The following ARHGEF3 variants were observed in gnomAD, a reference collection of about 807,000 sequenced individuals.
ARHGEF3 encodes the protein 59.8 kDA protein.
A neutral mutation model predicts 63.2 loss-of-function variants in ARHGEF3; 28 were observed. The ratio of observed to expected loss-of-function variants is 0.44; its 90% CI spans 0.33 to 0.61. The LOEUF (loss-of-function observed/expected upper bound fraction) is 0.61, where lower values mean the gene tolerates loss of function less well. ARHGEF3 is among the 20% of genes least tolerant of loss of function. The probability of loss-of-function intolerance (pLI) is 0.03; values close to 1 mark genes in which losing one functional copy is unlikely to be tolerated. For synonymous variants in ARHGEF3, 266 were observed against 254.2 expected (o/e 1.05, Z -0.44); for missense variants, 533 against 659.3 (o/e 0.81, Z 2.10).
chr3:57,048,488 G>A (rs916064451), intron 1 of ARHGEF3, among the ~76,000 whole-genome samples: 6 of 152,158 alleles, frequency 3.9e-5, no homozygotes, highest in South Asian at 2.1e-4. Context: ...ATCGGGTGAA[G>A]GAGGACCCCT....
Position 56,729,640 on chromosome 3 carries a change from AT to A in ARHGEF3, c.1229-19del, listed in dbSNP as rs2032974796. On this transcript the variant is annotated intron_variant, in intron 9 of 9. Transcript: ENST00000296315. ...GTTTTTAACTAGAAAGGAAAAACAC[AT>A]GAAAAACAAAGTCAATGGACAGATC... The A allele has an allele frequency of 1.3e-6, 2 of 1,571,764 alleles. No individual in the cohort carries two copies. Among genetic ancestry groups the A allele is most frequent in the Non-Finnish European group, 1.7e-6 (2 of 1,155,050 alleles).
chr3:56,801,484 A>C (rs572008362), intron 1 of ARHGEF3, among the ~76,000 whole-genome samples: 5 of 152,352 alleles, frequency 3.3e-5, no homozygotes, highest in Admixed American at 6.5e-5. Flanking sequence ...TGCTTGGTCC[A>C]CAGAGAAAAA....
chr3:56,745,383 T>C lies in ARHGEF3; in HGVS notation c.692A>G (p.Asp231Gly). ...AKALLDHKKQ[D>G]HRVQDFLQRC... is the part of the protein sequence containing the mutation. ...CTGTAGGAAATCCTGGACTCGGTGA[T>C]CTTGCTTTTTGTGGTCCAGCAGAGC... is the stretch of plus-strand genomic sequence containing the variant. The change falls in exon 7 of 10, where the codon GAT becomes GGT. Residue 231 changes from aspartate to glycine, a missense_variant. Physicochemically the swap from Asp to Gly is moderately conservative, Grantham distance 94 (BLOSUM62 -1). Coordinates refer to ENST00000296315, the MANE Select transcript of ARHGEF3 (RefSeq NM_019555.3). The C allele has an allele frequency of 6.2e-7, 1 of 1,614,094 alleles. No individual in the cohort carries two copies. The highest frequency in any genetic ancestry group is 8.5e-7 in the Non-Finnish European group (1 of 1,180,016).
At chr3:56,988,187 C>T (rs1366166250) in intron 2 of ARHGEF3, among the ~76,000 whole-genome samples, 1 of 152,174 alleles carries the variant, frequency 6.6e-6, no homozygotes, top group Non-Finnish European at 1.5e-5. Context: ...CTCTGTCGCC[C>T]AGGCAGGGGA....
chr3:57,063,059 G>A (rs1042364246), intron 1 of ARHGEF3, among the ~76,000 whole-genome samples: 5 of 152,184 alleles, frequency 3.3e-5, no homozygotes, highest in Admixed American at 6.5e-5. Flanking sequence ...CAGTGGTAAC[G>A]GTTTAGACAC....
chr3:56,996,894 T>TATTATTATTATTATTATTA (rs201057893), intron 2 of ARHGEF3, among the ~76,000 whole-genome samples: 36 of 147,298 alleles, frequency 2.4e-4, no homozygotes, highest in Non-Finnish European at 3.1e-4. Flanking sequence ...ATTATTATTT[T>TATTATTATTATTATTATTA]TTTTTTTTTT....
chr3:56,920,577 A>G (rs1454962799), intron 3 of ARHGEF3, among the ~76,000 whole-genome samples: 1 of 152,228 alleles, frequency 6.6e-6, no homozygotes, highest in African/African-American at 2.4e-5. Context: ...AGCAACGATG[A>G]TTCTTTCCAT....
chr3:56,925,393 T>C (rs956756251), intron 3 of ARHGEF3, among the ~76,000 whole-genome samples: 2 of 152,200 alleles, frequency 1.3e-5, no homozygotes, highest in Non-Finnish European at 2.9e-5. Context: ...AGCTGTGTCA[T>C]CACTCAAGTT....
chr3:56,928,313 A>AT (rs1560057998), intron 3 of ARHGEF3, among the ~76,000 whole-genome samples: 1 of 151,950 alleles, frequency 6.6e-6, no homozygotes, highest in East Asian at 1.9e-4. Context: ...ACTAGAAGAC[A>AT]TTGAGGCTCA....
Position 56,732,396 on chromosome 3 carries a change from A to G in ARHGEF3, c.1070T>C (p.Val357Ala). 6.2e-7 allele frequency: 1 copy of G among 1,614,184 alleles called. No individual in the cohort carries two copies. Residue 357 changes from valine (V) to alanine (A), a missense_variant, in exon 9 of 10, where the codon GTG becomes GCG. Physicochemically the swap from Val to Ala is moderately conservative, Grantham distance 64. Transcript: ENST00000296315. The stretch of plus-strand genomic sequence containing the variant: ...GGTGACGGCTCGAGTGATCACAAGC[A>G]CTTCTTGGAACAGGAAAACATGCAG... ...VKLHVFLFQEVLVITRAVTHN... is the reference protein window; with the variant it reads ...VKLHVFLFQEALVITRAVTHN...
intron 2 of ARHGEF3, among the ~76,000 whole-genome samples, chr3:56,772,222 T>G (rs1046659426): frequency 1.3e-5 from 2 of 151,928 alleles, no homozygotes; most frequent in Non-Finnish European, 2.9e-5. Context: ...TGCAACAGAG[T>G]TAACAGAGGA....
At chr3:56,938,365 C>A (rs62251097) in intron 3 of ARHGEF3, among the ~76,000 whole-genome samples, 39,190 of 152,064 alleles carry the variant, frequency 0.26, 5,980 homozygotes, top group East Asian at 0.39. Flanking sequence ...TTTTTAGAGA[C>A]TACTAATTTC....
intron 3 of ARHGEF3, among the ~76,000 whole-genome samples, chr3:56,895,263 G>C (rs78649577): frequency 0.021 from 3,239 of 152,242 alleles, 50 homozygotes; most frequent in Non-Finnish European, 0.032. Context: ...CTATCGCCAA[G>C]AGCATTATTC....
chr3:56,992,240 A>G (rs1213586657), intron 2 of ARHGEF3, among the ~76,000 whole-genome samples: 1 of 152,044 alleles, frequency 6.6e-6, no homozygotes, highest in Non-Finnish European at 1.5e-5. Context: ...GGCTAAGTAT[A>G]TATTTGTACA....
intron 6 of ARHGEF3, among the ~76,000 whole-genome samples, 174 bp from the exon 7 acceptor site, chr3:56,745,636 T>C (rs1318497030): frequency 6.6e-6 from 1 of 152,100 alleles, no homozygotes; most frequent in Admixed American, 6.5e-5. Flanking sequence ...TGGCAGGCAG[T>C]GGACAATTTT....
At chr3:56,755,723 AAG>A (rs1382204217) in intron 2 of ARHGEF3, among the ~76,000 whole-genome samples, 1 of 152,162 alleles carries the variant, frequency 6.6e-6, no homozygotes, top group Non-Finnish European at 1.5e-5. Context: ...GAAAGGAGGA[AAG>A]AGTATTCCTT....
chr3:56,780,594 T>C (rs1389255898), intron 1 of ARHGEF3, among the ~76,000 whole-genome samples: 11 of 152,182 alleles, frequency 7.2e-5, no homozygotes, highest in Admixed American at 4.6e-4. Flanking sequence ...TCCAAAGTTA[T>C]ATTTCTGTCC....
intron 2 of ARHGEF3, chr3:57,007,279 G>A (rs1579074026): frequency 7.8e-7 from 1 of 1,289,762 alleles, no homozygotes; most frequent in East Asian, 5.5e-5. Context: ...TCAATAGCCT[G>A]AAAAACCAGT....
chr3:57,063,728 T>A (rs1226584440), intron 1 of ARHGEF3, among the ~76,000 whole-genome samples: 1 of 152,024 alleles, frequency 6.6e-6, no homozygotes, highest in Admixed American at 6.5e-5. Flanking sequence ...TCAGGAAGGA[T>A]GGCAACAGAG....
Sources: allele counts gnomAD v4.1 joint callset (sites outside exome capture counted in the v4.1 genomes callset), GRCh38; gene constraint gnomAD v4.1.1; transcripts MANE v1.5; gene names NCBI Gene and HGNC (gene_info 2026-07-23, HGNC 2026-07-21).